Variants in TRANK1 observed in about 807,000 individuals in gnomAD.
TRANK1 encodes TPR and ankyrin repeat-containing protein 1.
A neutral mutation model predicts 266.0 loss-of-function variants in TRANK1; 198 were observed. The observed-to-expected ratio is 0.74, with a 90% confidence interval of 0.66 to 0.84. TRANK1 has a LOEUF of 0.84. Among genes scored for constraint, TRANK1 ranks in the 40% least tolerant of loss-of-function variants. The pLI, the probability that TRANK1 is intolerant of heterozygous loss-of-function variation, is 0.00. For missense variants in TRANK1, 3,326 were observed against 3,634.6 expected (o/e 0.92, Z 2.18); for synonymous variants, 1,396 against 1,384.1 (o/e 1.01, Z -0.19).
chr3:36,918,507 GAAAGAAAGAAA>G (rs1559473180), intron 1 of TRANK1, among the ~76,000 whole-genome samples: 8 of 39,696 alleles, frequency 2.0e-4, no homozygotes, highest in South Asian at 7.4e-4. Flanking sequence ...AAGAAAGAAA[GAAAGAAAGAAA>G]GAAAGAAAGA....
At chr3:36,899,929 G>A (rs2079850776) in intron 3 of TRANK1, among the ~76,000 whole-genome samples, 1 of 152,156 alleles carries the variant, frequency 6.6e-6, no homozygotes, top group Non-Finnish European at 1.5e-5. Flanking sequence ...CATGATCCTG[G>A]CTCACTGCTA....
At chr3:36,901,021 GA>G (rs958806797) in intron 3 of TRANK1, among the ~76,000 whole-genome samples, 10 of 150,130 alleles carry the variant, frequency 6.7e-5, no homozygotes, top group Admixed American at 4.0e-4. Flanking sequence ...AAGAGAGGAG[GA>G]AAAAAAAGTG....
intron 14 of TRANK1, 85 bp downstream of exon 14, chr3:36,852,061 A>C (rs2078991494): frequency 2.1e-5 from 30 of 1,422,176 alleles, no homozygotes; most frequent in Non-Finnish European, 8.4e-6. Context: ...TTTTAATGCT[A>C]CTTTGTGGTA....
At chr3:36,864,066 AT>A (rs1559438210) in intron 10 of TRANK1, among the ~76,000 whole-genome samples, 1 of 152,292 alleles carries the variant, frequency 6.6e-6, no homozygotes, top group South Asian at 2.1e-4. Context: ...AAATGACTGT[AT>A]ATGCAAAGAG....
Position 36,834,900 on chromosome 3 carries a change from T to C in TRANK1, c.5525A>G (p.Asp1842Gly). The change falls in exon 21 of 24, where the codon GAT becomes GGT. Residue 1842 changes from aspartate (D) to glycine (G), a missense_variant. Physicochemically the swap from Asp to Gly is moderately conservative, Grantham distance 94. Transcript: ENST00000645898. Reference protein sequence around the residue: ...QLCERLGKIRDAAYFYKRSQC... With the variant: ...QLCERLGKIRGAAYFYKRSQC... ...GCTTCGCTTATAGAAATAGGCAGCATCTCTTATCTAGGATGGAGTAAATTT... is the reference window on the plus strand; with the variant it reads ...GCTTCGCTTATAGAAATAGGCAGCACCTCTTATCTAGGATGGAGTAAATTT... The C allele has an allele frequency of 6.2e-7, 1 of 1,609,204 alleles. No individual in the cohort carries two copies. Among genetic ancestry groups the C allele is most frequent in the Non-Finnish European group, 8.5e-7 (1 of 1,178,448 alleles).
At chr3:36,924,951 G>A (rs1014743470) in intron 1 of TRANK1, among the ~76,000 whole-genome samples, 1 of 152,158 alleles carries the variant, frequency 6.6e-6, no homozygotes, top group Middle Eastern at 3.2e-3. Context: ...GTAACTTGCA[G>A]AGGTGAGGAA....
intron 15 of TRANK1, among the ~76,000 whole-genome samples, chr3:36,849,718 C>T (rs2078962257): frequency 6.6e-6 from 1 of 152,206 alleles, no homozygotes; most frequent in Non-Finnish European, 1.5e-5. Context: ...TGGGACCTGT[C>T]TTTCCTCTCC....
At position 36,879,593 on chromosome 3, in the gene TRANK1, TATATAAATATATATAA is replaced by T; in HGVS notation, c.908-5313_908-5298del. Among the ~76,000 whole-genome samples, 2 of 109,892 alleles carry T rather than the reference TATATAAATATATATAA, an allele frequency of 1.8e-5. 1 individual carries two copies. Among genetic ancestry groups the T allele is most frequent in the African/African-American group, 8.5e-5 (2 of 23,660 alleles). The allele number at this position is 109,892 out of a possible 152,430, so 72.1% of individuals were successfully genotyped here. ...ATATAAATATATATAAATATACAAA[TATATAAATATATATAA>T]ATATACAAATATATATAAATATATA... On this transcript the variant is annotated intron_variant, in intron 8 of 23. Transcript: ENST00000645898.
chr3:36,877,021 A>C (rs1023164186), intron 8 of TRANK1, among the ~76,000 whole-genome samples: 13 of 152,214 alleles, frequency 8.5e-5, no homozygotes, highest in African/African-American at 3.1e-4. Flanking sequence ...AACAAAGCTG[A>C]AGATTTCTAA....
intron 11 of TRANK1, among the ~76,000 whole-genome samples, chr3:36,860,044 G>A (rs916567789): frequency 6.6e-6 from 1 of 152,042 alleles, no homozygotes; most frequent in Non-Finnish European, 1.5e-5. Flanking sequence ...TGTCTTGTGT[G>A]TCACTGTTAT....
At chr3:36,883,969 T>C (rs4583586) in intron 8 of TRANK1, among the ~76,000 whole-genome samples, 50,173 of 152,014 alleles carry the variant, frequency 0.33, 9,280 homozygotes, top group East Asian at 0.57. Context: ...AAACACTGAA[T>C]ATAAATGAAC....
intron 1 of TRANK1, among the ~76,000 whole-genome samples, chr3:36,916,347 C>T (rs1489920318): frequency 2.0e-5 from 3 of 152,122 alleles, no homozygotes; most frequent in East Asian, 1.9e-4. Context: ...GGGCAGATCA[C>T]GAGGTCAGGA....
intron 8 of TRANK1, among the ~76,000 whole-genome samples, chr3:36,883,319 T>C (rs1482359694): frequency 2.0e-5 from 3 of 151,574 alleles, no homozygotes; most frequent in Non-Finnish European, 2.9e-5. Flanking sequence ...TGGTAGCACA[T>C]GTCTAGTCTT....
In TRANK1 at chr3:36,926,027, A is replaced by G. The variant is rs1485663188; in HGVS notation, c.24-17573T>C. ...GAAGTAGTATACAATTGCTATTTGC[A>G]AGGAAACTTCCAAGATTACTGCCCA... On this transcript the variant is annotated intron_variant, in intron 1 of 23. Coordinates refer to ENST00000645898, the MANE Select transcript of TRANK1 (RefSeq NM_001329998.2). Among the ~76,000 whole-genome samples, 3 of 152,324 alleles carry G rather than the reference A, an allele frequency of 2.0e-5. No homozygotes were observed. The South Asian group carries it at 6.2e-4, about 32-fold the overall frequency.
chr3:36,850,127 T>A (rs961931351), intron 15 of TRANK1: 2 of 985,272 alleles, frequency 2.0e-6, no homozygotes, highest in African/African-American at 3.5e-5. Context: ...TGGTACTTAA[T>A]AAAGAACAGA....
rs76851125 is a variant in TRANK1 at position 36,866,933 on chromosome 3, G to A, written c.1079-2453C>T. ...CAGAAACATACACACATCCACTTCC[G>A]GGGCAAACACTCATTGCCCACTCTA... On this transcript the variant is annotated intron_variant, in intron 9 of 23. Transcript: ENST00000645898. Among the ~76,000 whole-genome samples the A allele has an allele frequency of 8.5e-4, 129 of 152,140 alleles. 2 individuals carry two copies. In the East Asian group the frequency reaches 0.023, roughly 27 times the overall value.
intron 4 of TRANK1, among the ~76,000 whole-genome samples, chr3:36,897,373 A>G (rs1423821189): frequency 6.6e-6 from 1 of 152,200 alleles, no homozygotes; most frequent in African/African-American, 2.4e-5. Context: ...AGCCCTGGCT[A>G]CTGTTGGCAA....
At position 36,846,243 on chromosome 3, in the gene TRANK1, C is replaced by A; in HGVS notation, c.5191+5G>T. The A allele has an allele frequency of 3.2e-6, 5 of 1,576,462 alleles. No homozygotes were observed. The highest frequency in any genetic ancestry group is 4.3e-6 in the Non-Finnish European group (5 of 1,159,974). On this transcript the variant is annotated splice_donor_5th_base_variant and intron_variant, in intron 17 of 23. Coordinates refer to ENST00000645898, the MANE Select transcript of TRANK1 (RefSeq NM_001329998.2). Reference sequence around the variant, plus strand: ...TCAGTTAAGAGTATTTTAACAGGATCTTACCTTTATTTTCATCTGTCTTTA... The same window carrying A: ...TCAGTTAAGAGTATTTTAACAGGATATTACCTTTATTTTCATCTGTCTTTA...
chr3:36,866,053 A>AG (rs1287323551), intron 9 of TRANK1, among the ~76,000 whole-genome samples: 2 of 14,906 alleles, frequency 1.3e-4, no homozygotes, highest in East Asian at 4.5e-3. Flanking sequence ...ACAGAAAGAA[A>AG]AAGAAAGAAA....
Sources: gnomAD v4.1 joint callset for allele counts (sites outside exome capture counted in the v4.1 genomes callset) on GRCh38, gnomAD v4.1.1 for gene constraint, MANE v1.5 for transcripts, NCBI Gene and HGNC (gene_info 2026-07-23, HGNC 2026-07-21) for gene names.